TFDP2: variants seen among roughly 807,000 people sequenced by gnomAD.
TFDP2 encodes the protein transcription factor Dp-2.
A neutral mutation model predicts 59.3 loss-of-function variants in TFDP2; 17 were observed. That is an observed-to-expected ratio of 0.29 (90% confidence interval 0.20 to 0.43). TFDP2 has a LOEUF of 0.43. TFDP2 is among the 20% of genes least tolerant of loss of function. The probability of loss-of-function intolerance (pLI) is 1.00; values close to 1 mark genes in which losing one functional copy is unlikely to be tolerated. For missense variants in TFDP2, 391 were observed against 528.8 expected, an observed-to-expected ratio of 0.74 and a Z score of 2.56; for synonymous variants, 180 against 194.7, an observed-to-expected ratio of 0.92 and a Z score of 0.63.
chr3:141,981,098 C>T (rs1345841967), intron 6 of TFDP2, among the ~76,000 whole-genome samples: 2 of 151,940 alleles, frequency 1.3e-5, no homozygotes, highest in Non-Finnish European at 2.9e-5. Context: ...CTGCAAGCTC[C>T]ATTCATGAAA....
At chr3:141,972,235 C>T (rs1939877888) in intron 8 of TFDP2, among the ~76,000 whole-genome samples, 1 of 150,146 alleles carries the variant, frequency 6.7e-6, no homozygotes, top group East Asian at 1.9e-4. Context: ...ACCTGTCCCT[C>T]ATCCAACCAG....
At chr3:141,988,878 G>A (rs1942442521) in intron 6 of TFDP2, among the ~76,000 whole-genome samples, 1 of 151,884 alleles carries the variant, frequency 6.6e-6, no homozygotes, top group Non-Finnish European at 1.5e-5. Flanking sequence ...GGCCAGGATG[G>A]TCTCGAACTG....
At chr3:142,017,125 C>G (rs1352051583) in intron 3 of TFDP2, among the ~76,000 whole-genome samples, 1 of 152,210 alleles carries the variant, frequency 6.6e-6, no homozygotes, top group African/African-American at 2.4e-5. Context: ...ATCTACCACC[C>G]TATATCAGCA....
intron 3 of TFDP2, among the ~76,000 whole-genome samples, chr3:142,026,241 GC>G (rs1946081279): frequency 6.6e-6 from 1 of 152,078 alleles, no homozygotes; most frequent in Admixed American, 6.6e-5. Flanking sequence ...TGTAGTCCCA[GC>G]TACTGGGGAG....
intron 1 of TFDP2, among the ~76,000 whole-genome samples, chr3:142,102,306 T>C (rs917813924): frequency 6.6e-6 from 1 of 152,026 alleles, no homozygotes; most frequent in East Asian, 1.9e-4. Flanking sequence ...TACATACTGA[T>C]AGTAACAGAT....
At chr3:142,068,259 T>C (rs1411406060) in intron 3 of TFDP2, among the ~76,000 whole-genome samples, 1 of 152,154 alleles carries the variant, frequency 6.6e-6, no homozygotes, top group Non-Finnish European at 1.5e-5. Context: ...AGATTCTTTA[T>C]ACCTGTCATA....
intron 3 of TFDP2, among the ~76,000 whole-genome samples, chr3:142,057,699 G>A (rs571348496): frequency 6.6e-6 from 1 of 152,296 alleles, no homozygotes; most frequent in Admixed American, 6.5e-5. Flanking sequence ...TAGGAGAAAA[G>A]AAAAACGTTA....
intron 1 of TFDP2, among the ~76,000 whole-genome samples, chr3:142,113,625 T>C (rs778758584): frequency 5.9e-5 from 9 of 152,280 alleles, no homozygotes; most frequent in Non-Finnish European, 1.2e-4. Context: ...TAATGAACTA[T>C]ATGCAAGCAT....
Position 142,149,351 on chromosome 3 carries a change from GA to G in TFDP2, c.-262del. Reference sequence around the variant, plus strand: ...CTGCCCGGTCAAGGCCCAGGAGTTTGAGGCCCCAGAACGCCAACCGTGCGCG... The same window carrying G: ...CTGCCCGGTCAAGGCCCAGGAGTTTGGGCCCCAGAACGCCAACCGTGCGCG... On this transcript the variant is annotated 5_prime_UTR_variant, in exon 1 of 13. Transcript: ENST00000489671. 1 of 392,526 alleles carries G rather than the reference GA, an allele frequency of 2.5e-6. No homozygotes were observed. Among genetic ancestry groups the G allele is most frequent in the Non-Finnish European group, 4.5e-6 (1 of 222,560 alleles). The allele number at this position is 392,526 out of a possible 1,614,324, so 24.3% of individuals were successfully genotyped here. A position where few individuals can be genotyped will look rare whatever the true frequency, so the allele number is the denominator to read the frequency against.
At chr3:141,958,157 G>A (rs1222698755) in intron 11 of TFDP2, among the ~76,000 whole-genome samples, 5 of 152,074 alleles carry the variant, frequency 3.3e-5, no homozygotes, top group African/African-American at 7.2e-5. Flanking sequence ...CAATCTGTAC[G>A]TTTGCATGTG....
chr3:141,968,425 CATATATAG>C (rs1938600121), intron 9 of TFDP2, among the ~76,000 whole-genome samples: 9 of 70,692 alleles, frequency 1.3e-4, no homozygotes, highest in African/African-American at 4.8e-4. Flanking sequence ...ATATATATCT[CATATATAG>C]ATATATATAA....
rs9855166 is a variant in TFDP2, at chr3:142,149,478, C to G, written c.-388G>C. 3.5e-3 allele frequency: 1,260 copies of G among 365,152 alleles called. 5 individuals are homozygous for G. The highest frequency in any genetic ancestry group is 5.0e-3 in the Non-Finnish European group (1,022 of 205,216). The allele number at this position is 365,152 out of a possible 1,614,324, so 22.6% of individuals were successfully genotyped here. On this transcript the variant is annotated 5_prime_UTR_variant, in exon 1 of 13. Transcript: ENST00000489671. ...GAGATCGCTACCGATTTCGTCCGCCCTCTCCCTGCCCAGCTACAGCCCCGC... is the reference window on the plus strand; with the variant it reads ...GAGATCGCTACCGATTTCGTCCGCCGTCTCCCTGCCCAGCTACAGCCCCGC...
At chr3:141,988,535 G>T (rs1164864093) in intron 6 of TFDP2, among the ~76,000 whole-genome samples, 1 of 151,914 alleles carries the variant, frequency 6.6e-6, no homozygotes, top group African/African-American at 2.4e-5. Flanking sequence ...TAGATTTCTG[G>T]TATCTTCAAA....
intron 7 of TFDP2, 128 bp downstream of exon 7, chr3:141,978,392 C>T: frequency 1.0e-6 from 1 of 987,494 alleles, no homozygotes; most frequent in Non-Finnish European, 1.4e-6. Flanking sequence ...TCAACAACAA[C>T]AAAAAATCCC....
In TFDP2 at chr3:141,970,261, A is replaced by G. The variant is rs1043794371; in HGVS notation, c.664-120T>C. On this transcript the variant is annotated intron_variant, in intron 8 of 12. Coordinates refer to ENST00000489671, the MANE Select transcript of TFDP2 (RefSeq NM_001178139.2). ...TAGAGAAACTGAACCCATTTTAACAATATGAATAAAGACAAATCATATCTT... is the reference window on the plus strand; with the variant it reads ...TAGAGAAACTGAACCCATTTTAACAGTATGAATAAAGACAAATCATATCTT... 3.5e-5 allele frequency: 30 copies of G among 856,392 alleles called. 2 individuals carry two copies. Among genetic ancestry groups the G allele is most frequent in the South Asian group, 2.8e-4 (19 of 66,694 alleles). The allele number at this position is 856,392 out of a possible 1,614,324, so 53.0% of individuals were successfully genotyped here.
intron 9 of TFDP2, among the ~76,000 whole-genome samples, chr3:141,968,423 CTCATATATAGAT>C (rs1309466062): frequency 0.035 from 3,111 of 87,814 alleles, 294 homozygotes; most frequent in Non-Finnish European, 0.049. Flanking sequence ...ACATATATAT[CTCATATATAGAT>C]ATATATAACA....
intron 7 of TFDP2, among the ~76,000 whole-genome samples, chr3:141,974,958 C>T (rs933110986): frequency 1.4e-5 from 2 of 145,390 alleles, no homozygotes; most frequent in African/African-American, 5.1e-5. Flanking sequence ...CTCTCGCCCA[C>T]ACTGGAGTGC....
rs866976610 is a variant in TFDP2, at chr3:141,973,101, A to G, written c.663+947T>C. 9.0e-3 allele frequency among the ~76,000 whole-genome samples: 871 copies of G among 97,310 alleles called. 20 individuals carry two copies. The highest frequency in any genetic ancestry group is 0.035 in the African/African-American group (843 of 23,968). 63.8% of individuals were successfully genotyped at this position (97,310 alleles called of 152,430 possible). The stretch of plus-strand genomic sequence containing the variant: ...ATCTCCCAAAGCTATGTGTATATAT[A>G]TATATATATATATATATATATATTT... On this transcript the variant is annotated intron_variant, in intron 8 of 12. Coordinates refer to ENST00000489671, the MANE Select transcript of TFDP2 (RefSeq NM_001178139.2).
chr3:142,070,814 C>A (rs1201839855), intron 3 of TFDP2, among the ~76,000 whole-genome samples: 8 of 152,098 alleles, frequency 5.3e-5, no homozygotes, highest in African/African-American at 1.2e-4. Context: ...ATATTATATT[C>A]TTGCTCCTGG....
Sources: allele counts gnomAD v4.1 joint callset (sites outside exome capture counted in the v4.1 genomes callset), GRCh38; gene constraint gnomAD v4.1.1; transcripts MANE v1.5; gene names NCBI Gene and HGNC (gene_info 2026-07-23, HGNC 2026-07-21).